CHL1: variants seen among roughly 807,000 people sequenced by gnomAD.
The protein encoded by CHL1 is cell adhesion molecule L1 like.
A neutral mutation model predicts 141.9 loss-of-function variants in CHL1; 96 were observed. That is an observed-to-expected ratio of 0.68 (90% CI 0.57 to 0.80). The LOEUF is 0.80. CHL1 is among the 30% of genes least tolerant of loss of function. The pLI is 0.00. For synonymous variants in CHL1, 613 were observed against 502.2 expected, an observed-to-expected ratio of 1.22 and a Z score of -2.95; for missense variants, 1,820 against 1,457.2, an observed-to-expected ratio of 1.25 and a Z score of -4.05.
At chr3:362,364 T>A (rs907995370) in intron 13 of CHL1, among the ~76,000 whole-genome samples, 3 of 152,198 alleles carry the variant, frequency 2.0e-5, no homozygotes, top group Non-Finnish European at 4.4e-5. Flanking sequence ...TGTAGGGCAG[T>A]GTGAGATGAG....
intron 15 of CHL1, among the ~76,000 whole-genome samples, chr3:375,913 C>A (rs1274490344): frequency 6.6e-6 from 1 of 152,136 alleles, no homozygotes; most frequent in African/African-American, 2.4e-5. Flanking sequence ...TATTACTCAG[C>A]TGAACAGGGT....
intron 2 of CHL1, among the ~76,000 whole-genome samples, chr3:249,862 A>G (rs1169277437): frequency 6.6e-6 from 1 of 152,120 alleles, no homozygotes; most frequent in East Asian, 1.9e-4. Flanking sequence ...CTAACTCTGT[A>G]TGAATATTAT....
chr3:251,613 A>G (rs1458642819), intron 2 of CHL1, among the ~76,000 whole-genome samples: 1 of 152,152 alleles, frequency 6.6e-6, no homozygotes, highest in Non-Finnish European at 1.5e-5. Flanking sequence ...TTTCAGCTCT[A>G]CATTTCCATG....
intron 23 of CHL1, 76 bp from the exon 24 acceptor site, chr3:394,617 G>C: frequency 9.5e-7 from 1 of 1,050,656 alleles, no homozygotes; most frequent in Admixed American, 2.1e-5. Context: ...CAAGCATAAG[G>C]AGAAATGAAA....
At chr3:257,949 A>G (rs1395034804) in intron 2 of CHL1, among the ~76,000 whole-genome samples, 1 of 152,170 alleles carries the variant, frequency 6.6e-6, no homozygotes, top group Admixed American at 6.5e-5. Context: ...GAAGGAGAAG[A>G]TGGAATCTGG....
intron 1 of CHL1, among the ~76,000 whole-genome samples, chr3:223,631 A>C (rs1701062156): frequency 6.6e-6 from 1 of 152,244 alleles, no homozygotes; most frequent in African/African-American, 2.4e-5. Context: ...CTTCTTGCCC[A>C]CTGCATGGAT....
At chr3:256,327 G>T (rs924022909) in intron 2 of CHL1, among the ~76,000 whole-genome samples, 7 of 152,294 alleles carry the variant, frequency 4.6e-5, no homozygotes, top group African/African-American at 1.4e-4. Context: ...GTAAAGCAGA[G>T]CTCCTCCTTT....
chr3:241,133 C>T (rs1396548610), intron 1 of CHL1, among the ~76,000 whole-genome samples: 2 of 152,038 alleles, frequency 1.3e-5, no homozygotes, highest in African/African-American at 4.8e-5. Context: ...ATATTTATAG[C>T]TGTTAGGCCT....
intron 2 of CHL1, among the ~76,000 whole-genome samples, chr3:254,533 A>G (rs1454437109): frequency 1.3e-5 from 2 of 152,176 alleles, no homozygotes; most frequent in African/African-American, 4.8e-5. Context: ...GATGATTGTC[A>G]GGGCAGCAGA....
intron 1 of CHL1, among the ~76,000 whole-genome samples, chr3:216,241 C>T (rs754131795): frequency 1.9e-4 from 29 of 152,228 alleles, no homozygotes; most frequent in Non-Finnish European, 3.2e-4. Flanking sequence ...CTGGTATTTG[C>T]AGTTTGGGCT....
At chr3:361,948 A>G (rs1329856512) in intron 13 of CHL1, 138 bp downstream of exon 13, 1 of 600,482 alleles carries the variant, frequency 1.7e-6, no homozygotes, top group African/African-American at 1.8e-5. Context: ...AAGGTAACAA[A>G]CTTACCGGTC....
intron 1 of CHL1, among the ~76,000 whole-genome samples, chr3:241,954 T>G (rs934712820): frequency 6.6e-6 from 1 of 152,172 alleles, no homozygotes; most frequent in African/African-American, 2.4e-5. Context: ...CAAAGGATTG[T>G]ATGTCATGTT....
chr3:394,495 T>C (rs139530971), intron 23 of CHL1, among the ~76,000 whole-genome samples, 198 bp from the exon 24 acceptor site: 61 of 152,298 alleles, frequency 4.0e-4, no homozygotes, highest in African/African-American at 1.4e-3. Flanking sequence ...AAAGGGCTTA[T>C]TCTTGCGAGA....
At position 360,217 on chromosome 3, in the gene CHL1, A is replaced by G; in HGVS notation, c.1166-67A>G. On this transcript the variant is annotated intron_variant, in intron 11 of 27. Transcript: ENST00000256509. ...AATATAAATACTGTGTGACACATTT[A>G]ATAAATGGTGTATAAATATTTTATG... The G allele has an allele frequency of 3.3e-6, 5 of 1,527,466 alleles. No individual in the cohort carries two copies. In the South Asian group the frequency reaches 5.8e-5, roughly 18 times the overall value. 94.6% of individuals were successfully genotyped at this position (1,527,466 alleles called of 1,614,324 possible). A position where few individuals can be genotyped will look rare whatever the true frequency, so the allele number is the denominator to read the frequency against.
intron 1 of CHL1, among the ~76,000 whole-genome samples, chr3:236,514 A>T (rs746727388): frequency 2.0e-5 from 3 of 152,178 alleles, no homozygotes; most frequent in Non-Finnish European, 1.5e-5. Flanking sequence ...CTATGCCTGC[A>T]CTGGCCAAAA....
At chr3:238,815 C>T (rs1192944347) in intron 1 of CHL1, among the ~76,000 whole-genome samples, 1 of 151,768 alleles carries the variant, frequency 6.6e-6, no homozygotes, top group African/African-American at 2.4e-5. Flanking sequence ...TGTCTGTAAT[C>T]CCAGCTACTC....
intron 15 of CHL1, among the ~76,000 whole-genome samples, chr3:374,469 A>G (rs1260545045): frequency 2.0e-5 from 3 of 152,110 alleles, no homozygotes; most frequent in African/African-American, 4.8e-5. Flanking sequence ...TCAGAGACCC[A>G]TGGCTGGTGG....
chr3:364,500 A>G (rs1408879584), intron 14 of CHL1, among the ~76,000 whole-genome samples: 1 of 152,218 alleles, frequency 6.6e-6, no homozygotes, highest in Non-Finnish European at 1.5e-5. Flanking sequence ...TGCCCAATAC[A>G]GTGCTTGGCC....
chr3:396,183 T>A (rs1323601368), intron 24 of CHL1, among the ~76,000 whole-genome samples: 1 of 152,210 alleles, frequency 6.6e-6, no homozygotes, highest in Admixed American at 6.5e-5. Flanking sequence ...CTAATTTCAC[T>A]GACTTTACCT....
Sources: gnomAD v4.1 joint callset for allele counts (sites outside exome capture counted in the v4.1 genomes callset) on GRCh38, gnomAD v4.1.1 for gene constraint, MANE v1.5 for transcripts, NCBI Gene and HGNC (gene_info 2026-07-23, HGNC 2026-07-21) for gene names.